Variants in ARTN observed in about 807,000 individuals in gnomAD.
The protein encoded by ARTN is artemin.
ARTN carries 9 observed loss-of-function variants against 15.4 expected under a neutral mutation model. The ratio of observed to expected loss-of-function variants is 0.58; its 90% confidence interval spans 0.35 to 1.02. The LOEUF (loss-of-function observed/expected upper bound fraction) is 1.02. Among genes scored for constraint, ARTN ranks in the 50% least tolerant of loss-of-function variants. The pLI, the probability that ARTN is intolerant of heterozygous loss-of-function variation, is 0.02. For synonymous variants in ARTN, 163 were observed against 155.8 expected (o/e 1.05, Z -0.35); for missense variants, 284 against 327.9 (o/e 0.87, Z 1.03).
chr1:43,935,400 G>T, intron 2 of ARTN, 190 bp from the exon 3 acceptor site: 1 of 501,340 alleles, frequency 2.0e-6, no homozygotes, highest in Admixed American at 3.9e-5. Flanking sequence ...CTGGAAAAAG[G>T]GGATTAAACC....
At position 43,936,077 on chromosome 1, in the gene ARTN, T is replaced by G; in HGVS notation, c.61-16T>G. ...CCCTCTTTCTCCCTGAGGCTCCACT[T>G]GGTCTCTCCGCGCAGCCTGCCCTGT... is the stretch of plus-strand genomic sequence containing the variant. On this transcript the variant is annotated splice_polypyrimidine_tract_variant and intron_variant, in intron 3 of 4. Coordinates refer to ENST00000372359, the MANE Select transcript of ARTN (RefSeq NM_057091.3). The surrounding 1 kb of genome is among the most constrained non-coding windows in gnomAD (Gnocchi z 6.6). 1.9e-6 allele frequency: 3 copies of G among 1,613,088 alleles called. No homozygotes were observed. The highest frequency in any genetic ancestry group is 2.5e-6 in the Non-Finnish European group (3 of 1,179,924).
chr1:43,936,552 C>T lies in ARTN; in HGVS notation c.450C>T (p.Cys150=). The part of the protein sequence containing the change: ...RSDELVRFRF[C]SGSCRRARSP... ...ACGAGCTGGTGCGTTTCCGCTTCTGCAGCGGCTCCTGCCGCCGCGCGCGCT... is the reference window on the plus strand; with the variant it reads ...ACGAGCTGGTGCGTTTCCGCTTCTGTAGCGGCTCCTGCCGCCGCGCGCGCT... The change falls in exon 5 of 5, where the codon TGC becomes TGT. Residue 150 remains cysteine, a synonymous_variant. Transcript: ENST00000372359. The surrounding 1 kb of genome is among the most constrained non-coding windows in gnomAD (Gnocchi z 6.6). 2.0e-6 allele frequency: 3 copies of T among 1,537,460 alleles called. No individual in the cohort carries two copies. Among genetic ancestry groups the T allele is most frequent in the Non-Finnish European group, 2.6e-6 (3 of 1,147,394 alleles).
chr1:43,936,866 C>T lies in ARTN; in HGVS notation c.*101C>T, dbSNP rs1276075721. The T allele has an allele frequency of 7.6e-7, 1 of 1,314,182 alleles. No homozygotes were observed. Among genetic ancestry groups the T allele is most frequent in the Non-Finnish European group, 9.7e-7 (1 of 1,026,392 alleles). 81.4% of individuals were successfully genotyped at this position (1,314,182 alleles called of 1,614,324 possible). A position where few individuals can be genotyped will look rare whatever the true frequency, so the allele number is the denominator to read the frequency against. Reference sequence around the variant, plus strand: ...ACTAGCCAGCGGCCTCAGCCAGGGACGAAGGCCTCAAAGCTGAGAGGCCCC... The same window carrying T: ...ACTAGCCAGCGGCCTCAGCCAGGGATGAAGGCCTCAAAGCTGAGAGGCCCC... On this transcript the variant is annotated 3_prime_UTR_variant, in exon 5 of 5. Transcript: ENST00000372359. The surrounding 1 kb of genome is among the most constrained non-coding windows in gnomAD (Gnocchi z 6.6).
At chr1:43,935,776 G>A in intron 3 of ARTN, 60 bp downstream of exon 3, 8 of 1,510,042 alleles carry the variant, frequency 5.3e-6, no homozygotes, top group Non-Finnish European at 6.3e-6. Flanking sequence ...TGACTGGTGA[G>A]GGAGAGCAGG....
chr1:43,935,767 G>T (rs752075644), intron 3 of ARTN, 51 bp downstream of exon 3: 3 of 1,546,106 alleles, frequency 1.9e-6, no homozygotes, highest in Non-Finnish European at 2.6e-6. Flanking sequence ...AAGGCGGCTT[G>T]ACTGGTGAGG....
chr1:43,935,508 T>C (rs1439766071), intron 2 of ARTN, 82 bp from the exon 3 acceptor site: 2 of 748,426 alleles, frequency 2.7e-6, no homozygotes, highest in African/African-American at 1.8e-5. Flanking sequence ...TCTAGCTGTG[T>C]AGGCCCCTTG....
Position 43,936,081 on chromosome 1 carries a change from C to G in ARTN, c.61-12C>G, listed in dbSNP as rs1250572395. 2 of 1,612,922 alleles carry G rather than the reference C, an allele frequency of 1.2e-6. No individual in the cohort carries two copies. The highest frequency in any genetic ancestry group is 1.1e-5 in the South Asian group (1 of 91,024). ...CTTTCTCCCTGAGGCTCCACTTGGT[C>G]TCTCCGCGCAGCCTGCCCTGTGGCC... On this transcript the variant is annotated splice_polypyrimidine_tract_variant and intron_variant, in intron 3 of 4. Transcript: ENST00000372359. The surrounding 1 kb of genome is among the most constrained non-coding windows in gnomAD (Gnocchi z 6.6).
In ARTN at chr1:43,936,426, TG is replaced by T; in HGVS notation, c.329del (p.Gly110AlafsTer151). On this transcript the variant is annotated frameshift_variant, in exon 5 of 5. Transcript: ENST00000372359. LOFTEE classifies it high-confidence loss of function. This position sits in a 1 kb window ranked among gnomAD's most constrained non-coding sequence, Gnocchi z 6.6. ...LPRGGRAARA[G>X]GPGSRARAAG... ...CCCGCGGGGGCCGCGCGGCGCGGGC[TG>T]GGGGCCCGGGCAGCCGCGCTCGGGC... 3 of 1,142,540 alleles carry T rather than the reference TG, an allele frequency of 2.6e-6. No individual in the cohort carries two copies. The highest frequency in any genetic ancestry group is 1.6e-5 in the African/African-American group (1 of 60,952). 70.8% of individuals were successfully genotyped at this position (1,142,540 alleles called of 1,614,324 possible). A position where few individuals can be genotyped will look rare whatever the true frequency, so the allele number is the denominator to read the frequency against.
At position 43,935,890 on chromosome 1, in the gene ARTN, G is replaced by A. The variant is rs954348608; in HGVS notation, c.60+174G>A. On this transcript the variant is annotated intron_variant, in intron 3 of 4. Coordinates refer to ENST00000372359, the MANE Select transcript of ARTN (RefSeq NM_057091.3). The stretch of plus-strand genomic sequence containing the variant: ...TTCTCTGAATGGTCGGTGCACTCAG[G>A]TGATTCCTCCCCTGGGCTCCCAGAG... 4.4e-6 allele frequency: 4 copies of A among 905,434 alleles called. No homozygotes were observed. The South Asian group carries it at 4.8e-5, about 11-fold the overall frequency. 56.1% of individuals were successfully genotyped at this position (905,434 alleles called of 1,614,324 possible). A position where few individuals can be genotyped will look rare whatever the true frequency, so the allele number is the denominator to read the frequency against.
chr1:43,936,651 C>T lies in ARTN; in HGVS notation c.549C>T (p.Val183=). Residue 183 remains valine, a synonymous_variant, in exon 5 of 5, where the codon GTC becomes GTT. Transcript: ENST00000372359. This position sits in a 1 kb window ranked among gnomAD's most constrained non-coding sequence, Gnocchi z 6.6. ...ALRPPPGSRP[V]SQPCCRPTRY... ...GACCGCCCCCGGGCTCCCGGCCCGT[C>T]AGCCAGCCCTGCTGCCGACCCACGC... 1 of 1,595,390 alleles carries T rather than the reference C, an allele frequency of 6.3e-7. No individual in the cohort carries two copies. The highest frequency in any genetic ancestry group is 8.5e-7 in the Non-Finnish European group (1 of 1,171,542).
At position 43,935,677 on chromosome 1, in the gene ARTN, C is replaced by T. The variant is rs936012497; in HGVS notation, c.21C>T (p.Gly7=). 35 of 1,613,432 alleles carry T rather than the reference C, an allele frequency of 2.2e-5. No individual in the cohort carries two copies. The highest frequency in any genetic ancestry group is 2.8e-5 in the Non-Finnish European group (33 of 1,179,748). The part of the protein sequence containing the change: MELGLG[G]LSTLSHCPWP... ...TAGAGATGGAACTTGGACTTGGAGGCCTCTCCACGCTGTCCCACTGCCCCT... is the reference window on the plus strand; with the variant it reads ...TAGAGATGGAACTTGGACTTGGAGGTCTCTCCACGCTGTCCCACTGCCCCT... Residue 7 remains glycine, a synonymous_variant, in exon 3 of 5, where the codon GGC becomes GGT. Transcript: ENST00000372359.
At position 43,935,586 on chromosome 1, in the gene ARTN, C is replaced by T; in HGVS notation, c.-67-4C>T. On this transcript the variant is annotated splice_region_variant and splice_polypyrimidine_tract_variant and intron_variant, in intron 2 of 4. Coordinates refer to ENST00000372359, the MANE Select transcript of ARTN (RefSeq NM_057091.3). ...AAAAGATAACTCATCTCTTAATTTG[C>T]AAGCTGCCTCAACAGGAGGGTGGGG... 1.3e-6 allele frequency: 2 copies of T among 1,513,346 alleles called. No individual in the cohort carries two copies. The highest frequency in any genetic ancestry group is 1.4e-5 in the African/African-American group (1 of 72,008). 93.7% of individuals were successfully genotyped at this position (1,513,346 alleles called of 1,614,324 possible).
At chr1:43,934,928 T>C (rs1462578760) in intron 2 of ARTN, among the ~76,000 whole-genome samples, 1 of 152,138 alleles carries the variant, frequency 6.6e-6, no homozygotes, top group African/African-American at 2.4e-5. Context: ...TGCCCCCTTG[T>C]GGCCACAGGA....
intron 3 of ARTN, 187 bp from the exon 4 acceptor site, chr1:43,935,906 G>A: frequency 2.1e-6 from 2 of 930,284 alleles, no homozygotes; most frequent in Non-Finnish European, 3.3e-6. Flanking sequence ...CCTCCCCTGG[G>A]CTCCCAGAGG....
intron 2 of ARTN, 35 bp from the exon 3 acceptor site, chr1:43,935,555 C>T: frequency 7.9e-7 from 1 of 1,260,324 alleles, no homozygotes; most frequent in South Asian, 1.3e-5. Flanking sequence ...CAGGCCGGTC[C>T]CCCACAAAAG....
chr1:43,935,610 G>C lies in ARTN; in HGVS notation c.-47G>C. The C allele has an allele frequency of 6.3e-7, 1 of 1,596,844 alleles. No homozygotes were observed. Among genetic ancestry groups the C allele is most frequent in the Non-Finnish European group, 8.5e-7 (1 of 1,169,658 alleles). On this transcript the variant is annotated 5_prime_UTR_variant, in exon 3 of 5. Transcript: ENST00000372359. ...GCAAGCTGCCTCAACAGGAGGGTGG[G>C]GGAACAGCTCAACAATGGCTGATGG...
intron 2 of ARTN, among the ~76,000 whole-genome samples, chr1:43,935,032 G>C (rs973149629): frequency 2.0e-5 from 3 of 152,218 alleles, no homozygotes; most frequent in Non-Finnish European, 4.4e-5. Context: ...AGTCAGAGGA[G>C]AGAACTCAGG....
Position 43,936,567 on chromosome 1 carries a change from C to T in ARTN, c.465C>T (p.Arg155=). The change falls in exon 5 of 5, where the codon CGC becomes CGT. Residue 155 remains arginine (R), a synonymous_variant. Coordinates refer to ENST00000372359, the MANE Select transcript of ARTN (RefSeq NM_057091.3). This position sits in a 1 kb window ranked among gnomAD's most constrained non-coding sequence, Gnocchi z 6.6. The part of the protein sequence containing the change: ...VRFRFCSGSC[R]RARSPHDLSL... ...TCCGCTTCTGCAGCGGCTCCTGCCG[C>T]CGCGCGCGCTCTCCACACGACCTCA... 6.4e-7 allele frequency: 1 copy of T among 1,556,452 alleles called. No homozygotes were observed. The highest frequency in any genetic ancestry group is 1.8e-5 in the Admixed American group (1 of 54,524).
chr1:43,936,402 C>G lies in ARTN; in HGVS notation c.300C>G (p.Pro100=). The G allele has an allele frequency of 8.4e-7, 1 of 1,186,552 alleles. No individual in the cohort carries two copies. Among genetic ancestry groups the G allele is most frequent in the Non-Finnish European group, 1.0e-6 (1 of 959,512 alleles). 73.5% of individuals were successfully genotyped at this position (1,186,552 alleles called of 1,614,324 possible). Residue 100 remains proline, a synonymous_variant, in exon 5 of 5, where the codon CCC becomes CCG. Coordinates refer to ENST00000372359, the MANE Select transcript of ARTN (RefSeq NM_057091.3). This position sits in a 1 kb window ranked among gnomAD's most constrained non-coding sequence, Gnocchi z 6.6. The part of the protein sequence containing the change: ...PPPPAPPSAL[P]RGGRAARAGG... ...CGCCTGCACCCCCATCTGCTCTTCCCCGCGGGGGCCGCGCGGCGCGGGCTG... is the reference window on the plus strand; with the variant it reads ...CGCCTGCACCCCCATCTGCTCTTCCGCGCGGGGGCCGCGCGGCGCGGGCTG...
Sources: allele counts gnomAD v4.1 joint callset (sites outside exome capture counted in the v4.1 genomes callset), GRCh38; gene constraint gnomAD v4.1.1; non-coding constraint Gnocchi (gnomAD v3.1); transcripts MANE v1.5; gene names NCBI Gene and HGNC (gene_info 2026-07-23, HGNC 2026-07-21).